PIWIL4: variants seen among roughly 807,000 people sequenced by gnomAD.
The protein encoded by PIWIL4 is piwi-like protein 4.
Under a neutral mutation model 100.9 loss-of-function variants are expected in PIWIL4, and 50 were observed. The observed-to-expected ratio is 0.50, with a 90% CI of 0.39 to 0.63. The LOEUF (loss-of-function observed/expected upper bound fraction) is 0.63. Among genes scored for constraint, PIWIL4 ranks in the 20% least tolerant of loss-of-function variants. The probability of loss-of-function intolerance (pLI) is 0.00; values close to 1 mark genes in which losing one functional copy is unlikely to be tolerated. For missense variants in PIWIL4, 887 were observed against 1,043.3 expected, an observed-to-expected ratio of 0.85 and a Z score of 2.06; for synonymous variants, 342 against 367.5, an observed-to-expected ratio of 0.93 and a Z score of 0.79.
intron 5 of PIWIL4, among the ~76,000 whole-genome samples, chr11:94,584,502 G>T: frequency 6.6e-6 from 1 of 152,180 alleles, no homozygotes; most frequent in East Asian, 1.9e-4. Context: ...ACATTTGGAA[G>T]ATGCTTTCAG....
chr11:94,597,212 C>G (rs1196712214), intron 10 of PIWIL4, among the ~76,000 whole-genome samples: 1 of 152,222 alleles, frequency 6.6e-6, no homozygotes, highest in African/African-American at 2.4e-5. Flanking sequence ...CCTGAATCTT[C>G]TGAAGCTTAC....
At chr11:94,570,360 C>G (rs1948134328) in intron 2 of PIWIL4, among the ~76,000 whole-genome samples, 1 of 151,818 alleles carries the variant, frequency 6.6e-6, no homozygotes, top group Non-Finnish European at 1.5e-5. Flanking sequence ...TTGGTTTATC[C>G]AAGGCCGTCT....
rs778087590 is a variant in PIWIL4 at position 94,597,813 on chromosome 11, T to C, written c.1278T>C (p.Asn426=). The C allele has an allele frequency of 5.0e-6, 8 of 1,612,232 alleles. No homozygotes were observed. Among genetic ancestry groups the C allele is most frequent in the Non-Finnish European group, 5.9e-6 (7 of 1,178,410 alleles). The change falls in exon 11 of 20, where the codon AAT becomes AAC. Residue 426 remains asparagine (N), a synonymous_variant. Transcript: ENST00000299001. ...ACAACTTTATCAACAGGAATACCAA[T>C]GCTCGCTTTGAACTAGAGACCTGGG... The part of the protein sequence containing the change: ...RLVDNIQRNT[N]ARFELETWGL...
chr11:94,612,857 G>T (rs1362470377), intron 15 of PIWIL4, among the ~76,000 whole-genome samples: 3 of 151,896 alleles, frequency 2.0e-5, no homozygotes, highest in Non-Finnish European at 2.9e-5. Context: ...GTCATGATTT[G>T]CATCTTCTTA....
chr11:94,598,103 G>A (rs1021073691), intron 11 of PIWIL4, among the ~76,000 whole-genome samples, 188 bp downstream of exon 11: 40 of 152,122 alleles, frequency 2.6e-4, no homozygotes, highest in African/African-American at 8.2e-4. Flanking sequence ...CGGACTTAGC[G>A]GCACCCAGTG....
At chr11:94,602,958 T>C (rs535171050) in intron 12 of PIWIL4, among the ~76,000 whole-genome samples, 2 of 152,236 alleles carry the variant, frequency 1.3e-5, no homozygotes, top group South Asian at 4.1e-4. Context: ...CACAGGCTCT[T>C]TCTCATGTGA....
At chr11:94,598,800 T>C (rs1948596271) in intron 11 of PIWIL4, among the ~76,000 whole-genome samples, 1 of 149,888 alleles carries the variant, frequency 6.7e-6, no homozygotes, top group Admixed American at 6.7e-5. Flanking sequence ...CTTAACCTCC[T>C]GGGCTCAAGC....
intron 16 of PIWIL4, among the ~76,000 whole-genome samples, 194 bp downstream of exon 16, chr11:94,616,757 A>G (rs936157915): frequency 2.0e-5 from 3 of 152,198 alleles, no homozygotes; most frequent in African/African-American, 7.2e-5. Flanking sequence ...ATTTACATTT[A>G]CATTTGTCTG....
intron 4 of PIWIL4, among the ~76,000 whole-genome samples, chr11:94,578,557 G>A (rs1292430032): frequency 1.3e-5 from 2 of 152,010 alleles, no homozygotes; most frequent in Admixed American, 6.5e-5. Flanking sequence ...TTATCCATTC[G>A]TAAACTGCTG....
intron 8 of PIWIL4, among the ~76,000 whole-genome samples, chr11:94,592,909 C>T (rs1227786701): frequency 6.6e-6 from 1 of 152,150 alleles, no homozygotes; most frequent in East Asian, 1.9e-4. Flanking sequence ...CTACTGTTAT[C>T]CTTATTTCAT....
chr11:94,592,673 G>A (rs591584), intron 8 of PIWIL4, among the ~76,000 whole-genome samples: 69,048 of 152,036 alleles, frequency 0.45, 16,624 homozygotes, highest in African/African-American at 0.63. Context: ...CAGGCATTTT[G>A]TAAATTATAA....
At chr11:94,611,669 G>T (rs1357442361) in intron 15 of PIWIL4, among the ~76,000 whole-genome samples, 1 of 152,134 alleles carries the variant, frequency 6.6e-6, no homozygotes. Context: ...GTGAGTTCTT[G>T]TTCTGTTAGT....
At chr11:94,589,316 G>C in intron 8 of PIWIL4, 84 bp downstream of exon 8, 1 of 1,185,254 alleles carries the variant, frequency 8.4e-7, no homozygotes, top group Middle Eastern at 2.0e-4. Context: ...AGGTCCCCCA[G>C]ATTGGAGGCT....
chr11:94,605,324 T>A (rs1292962073), intron 13 of PIWIL4, among the ~76,000 whole-genome samples: 1 of 152,212 alleles, frequency 6.6e-6, no homozygotes, highest in Non-Finnish European at 1.5e-5. Flanking sequence ...CTTCCAATTT[T>A]GAAGAGTACA....
chr11:94,592,413 T>G (rs1407792264), intron 8 of PIWIL4, among the ~76,000 whole-genome samples: 2 of 152,206 alleles, frequency 1.3e-5, no homozygotes, highest in Non-Finnish European at 2.9e-5. Context: ...CCTCTTTTAT[T>G]TTCTTATCCA....
rs779072088 is a variant in PIWIL4, at chr11:94,593,655, TTTA to T, written c.1150+16_1150+18del. Reference sequence around the variant, plus strand: ...GCTTTCTAACAGGTAATGTTTGTGTTTTATACCTCTGTCAGGCTCCTGGATACA... The same window carrying T: ...GCTTTCTAACAGGTAATGTTTGTGTTTACCTCTGTCAGGCTCCTGGATACA... On this transcript the variant is annotated intron_variant, in intron 9 of 19. Transcript: ENST00000299001. The T allele has an allele frequency of 3.7e-6, 6 of 1,612,698 alleles. No homozygotes were observed. The African/African-American group carries it at 8.0e-5, about 22-fold the overall frequency.
At position 94,586,323 on chromosome 11, in the gene PIWIL4, A is replaced by G. The variant is rs190560419; in HGVS notation, c.717-727A>G. 3.3e-3 allele frequency among the ~76,000 whole-genome samples: 497 copies of G among 152,238 alleles called. 2 individuals are homozygous for G. The highest frequency in any genetic ancestry group is 5.9e-3 in the Admixed American group (91 of 15,302). ...TGCCTGTCCCGGAGGCTGGCTTAGT[A>G]TCACAGTGTCTACTTAATAGTCCAC... On this transcript the variant is annotated intron_variant, in intron 6 of 19. Transcript: ENST00000299001.
intron 3 of PIWIL4, among the ~76,000 whole-genome samples, chr11:94,576,426 G>A (rs1234666358): frequency 6.6e-6 from 1 of 152,158 alleles, no homozygotes; most frequent in Non-Finnish European, 1.5e-5. Context: ...GAGCCACCGT[G>A]CCCAGCCTCT....
intron 2 of PIWIL4, among the ~76,000 whole-genome samples, chr11:94,569,812 G>A (rs1012208964): frequency 1.3e-5 from 2 of 152,022 alleles, no homozygotes; most frequent in East Asian, 3.9e-4. Flanking sequence ...AGACTCGGAA[G>A]GTTGGGAGGG....
Sources: allele counts gnomAD v4.1 joint callset (sites outside exome capture counted in the v4.1 genomes callset), GRCh38; gene constraint gnomAD v4.1.1; transcripts MANE v1.5; gene names NCBI Gene and HGNC (gene_info 2026-07-23, HGNC 2026-07-21).